The following CLCN5 variants were observed in gnomAD, a reference collection of about 807,000 sequenced individuals.
CLCN5 encodes H(+)/Cl(-) exchange transporter 5.
In CLCN5, 17 loss-of-function variants were observed where a neutral mutation model predicts 54.0. That is an observed-to-expected ratio of 0.31 (90% CI 0.22 to 0.47). CLCN5 has a LOEUF of 0.47. CLCN5 is among the 20% of genes least tolerant of loss of function. The probability of loss-of-function intolerance (pLI) is 1.00; values close to 1 mark genes in which losing one functional copy is unlikely to be tolerated. For synonymous variants in CLCN5, 222 were observed against 233.0 expected (o/e 0.95, Z 0.43); for missense variants, 448 against 646.7 (o/e 0.69, Z 3.33).
rs782310374 is a variant in CLCN5, at chrX:49,947,657, A to G, written c.16+22343A>G. Reference sequence around the variant, plus strand: ...TTCTGCTTCAGTCCCTTCTCTGTTTATTGTAGATACTACTTATTCAATTAT... The same window carrying G: ...TTCTGCTTCAGTCCCTTCTCTGTTTGTTGTAGATACTACTTATTCAATTAT... On this transcript the variant is annotated intron_variant, in intron 3 of 14. Coordinates refer to ENST00000376091, the MANE Select transcript of CLCN5 (RefSeq NM_001127898.4). Among the ~76,000 whole-genome samples, 34 of 111,498 alleles carry G rather than the reference A, an allele frequency of 3.0e-4. 1 individual carries two copies. Among genetic ancestry groups the G allele is most frequent in the Admixed American group, 2.2e-3 (23 of 10,503 alleles).
chrX:49,998,325 C>A (rs1002763489), intron 3 of CLCN5, among the ~76,000 whole-genome samples: 1 of 111,595 alleles, frequency 9.0e-6, no homozygotes, highest in African/African-American at 3.3e-5. Flanking sequence ...TTTGCATATT[C>A]CTGCTCATAC....
intron 3 of CLCN5, among the ~76,000 whole-genome samples, chrX:50,001,443 C>CTACT (rs1929802964): frequency 9.2e-6 from 1 of 109,240 alleles, no homozygotes; most frequent in East Asian, 2.8e-4. Flanking sequence ...TACTCCATCT[C>CTACT]TACTTCTATT....
chrX:50,028,174 G>A (rs1422640847), intron 3 of CLCN5, among the ~76,000 whole-genome samples: 1 of 111,864 alleles, frequency 8.9e-6, no homozygotes, highest in Non-Finnish European at 1.9e-5. Context: ...AGGTAAGATA[G>A]AAAGGCTGGT....
At chrX:49,985,116 A>G (rs1569537982) in intron 3 of CLCN5, among the ~76,000 whole-genome samples, 1 of 111,080 alleles carries the variant, frequency 9.0e-6, no homozygotes, top group Non-Finnish European at 1.9e-5. Flanking sequence ...TAATTTGTCT[A>G]CTTTTCTCCT....
intron 3 of CLCN5, among the ~76,000 whole-genome samples, chrX:50,033,224 A>G (rs1399121372): frequency 3.6e-5 from 4 of 111,233 alleles, no homozygotes; most frequent in Non-Finnish European, 7.5e-5. Flanking sequence ...GAGGAAGTCA[A>G]ATTGTCCCTG....
chrX:50,058,545 G>A (rs781945851), intron 4 of CLCN5, among the ~76,000 whole-genome samples: 1 of 110,724 alleles, frequency 9.0e-6, no homozygotes, highest in African/African-American at 3.3e-5. Flanking sequence ...TCATTTATAT[G>A]CCTCCTCATT....
chrX:50,057,387 T>C (rs181798758), intron 4 of CLCN5, among the ~76,000 whole-genome samples: 1,198 of 86,054 alleles, frequency 0.014, 33 homozygotes, highest in African/African-American at 0.049. Context: ...CCTGGATAGA[T>C]ACTATCCAGG....
At chrX:50,044,857 A>C (rs1932342874) in intron 4 of CLCN5, among the ~76,000 whole-genome samples, 1 of 111,012 alleles carries the variant, frequency 9.0e-6, no homozygotes, top group African/African-American at 3.3e-5. Flanking sequence ...GTAAGGATGA[A>C]ACTCCTTCAT....
At chrX:50,055,369 G>A (rs1284190311) in intron 4 of CLCN5, among the ~76,000 whole-genome samples, 1 of 111,759 alleles carries the variant, frequency 8.9e-6, no homozygotes, top group Admixed American at 9.5e-5. Context: ...TGCCCAAGGT[G>A]ACACAACTAG....
intron 3 of CLCN5, among the ~76,000 whole-genome samples, chrX:49,944,663 A>C (rs1489946783): frequency 8.9e-6 from 1 of 111,897 alleles, no homozygotes; most frequent in African/African-American, 3.2e-5. Flanking sequence ...TGAGATAATC[A>C]TGTGGTTTTT....
chrX:49,966,046 CT>C (rs1363092452), intron 3 of CLCN5, among the ~76,000 whole-genome samples: 1 of 108,720 alleles, frequency 9.2e-6, no homozygotes, highest in African/African-American at 3.5e-5. Flanking sequence ...TGATATTGGA[CT>C]TCAGTTTTTT....
intron 4 of CLCN5, among the ~76,000 whole-genome samples, chrX:50,046,724 G>T (rs932904751): frequency 9.0e-6 from 1 of 111,565 alleles, no homozygotes; most frequent in Non-Finnish European, 1.9e-5. Context: ...AGAATTTTTG[G>T]CAGTGTGGAG....
chrX:50,027,533 G>A lies in CLCN5; in HGVS notation c.17-14783G>A, dbSNP rs953383809. 2.1e-4 allele frequency among the ~76,000 whole-genome samples: 23 copies of A among 111,639 alleles called. No homozygotes were observed. In the Admixed American group the frequency reaches 2.2e-3, roughly 11 times the overall value. ...AAAGGCATTCTTTATTTCTGTTATG[G>A]TGTTTTTGATTTCTAGCATTTCCTT... On this transcript the variant is annotated intron_variant, in intron 3 of 14. Coordinates refer to ENST00000376091, the MANE Select transcript of CLCN5 (RefSeq NM_001127898.4).
At chrX:49,984,059 C>T (rs1238967842) in intron 3 of CLCN5, among the ~76,000 whole-genome samples, 2 of 111,063 alleles carry the variant, frequency 1.8e-5, no homozygotes, top group African/African-American at 6.5e-5. Flanking sequence ...TTTTAGATGA[C>T]TACTTCTAAT....
intron 3 of CLCN5, among the ~76,000 whole-genome samples, chrX:49,965,642 G>A (rs950628693): frequency 9.0e-6 from 1 of 111,508 alleles, no homozygotes; most frequent in African/African-American, 3.3e-5. Context: ...TAGAACCTCC[G>A]ATATAATGTT....
chrX:49,976,060 T>C (rs781981743), intron 3 of CLCN5, among the ~76,000 whole-genome samples: 2 of 111,694 alleles, frequency 1.8e-5, no homozygotes, highest in African/African-American at 6.5e-5. Flanking sequence ...ACAACAAAGT[T>C]AGTAGTGTCG....
chrX:50,007,473 C>CAG (rs782126963), intron 3 of CLCN5, among the ~76,000 whole-genome samples: 221 of 95,143 alleles, frequency 2.3e-3, no homozygotes, highest in African/African-American at 0.012. Flanking sequence ...CACACACACA[C>CAG]AGAGAGAGTG....
intron 3 of CLCN5, among the ~76,000 whole-genome samples, chrX:49,939,503 C>T (rs1926205097): frequency 9.0e-6 from 1 of 111,048 alleles, no homozygotes; most frequent in South Asian, 3.8e-4. Flanking sequence ...ATGGATGAAG[C>T]TGGAAACCAT....
chrX:50,074,489 A>G (rs1933333626), intron 6 of CLCN5, among the ~76,000 whole-genome samples: 1 of 111,901 alleles, frequency 8.9e-6, no homozygotes, highest in African/African-American at 3.2e-5. Flanking sequence ...GTATAACATC[A>G]TGGTAATTTT....
Sources: allele counts gnomAD v4.1 joint callset (sites outside exome capture counted in the v4.1 genomes callset), GRCh38; gene constraint gnomAD v4.1.1; transcripts MANE v1.5; gene names NCBI Gene and HGNC (gene_info 2026-07-23, HGNC 2026-07-21).